ZNF407: variants seen among roughly 807,000 people sequenced by gnomAD.
ZNF407 encodes the protein zinc finger protein 407.
A neutral mutation model predicts 131.2 loss-of-function variants in ZNF407; 17 were observed. That is an observed-to-expected ratio of 0.13 (90% CI 0.09 to 0.19). The LOEUF is 0.19. ZNF407 is among the 10% of genes least tolerant of loss of function. The pLI, the probability that ZNF407 is intolerant of heterozygous loss-of-function variation, is 1.00. For synonymous variants in ZNF407, 1,156 were observed against 1,062.0 expected, an observed-to-expected ratio of 1.09 and a Z score of -1.72; for missense variants, 2,681 against 2,830.6, an observed-to-expected ratio of 0.95 and a Z score of 1.20.
chr18:75,063,195 C>A lies in ZNF407; in HGVS notation c.5474C>A (p.Ala1825Asp). The A allele has an allele frequency of 6.2e-7, 1 of 1,608,628 alleles. No individual in the cohort carries two copies. Among genetic ancestry groups the A allele is most frequent in the South Asian group, 1.1e-5 (1 of 90,450 alleles). Reference sequence around the variant, plus strand: ...GAGTGCCGTCTAAAGGGACAAGGAGCCACCTTCGTGGAGACAGACAGCCCC... The same window carrying A: ...GAGTGCCGTCTAAAGGGACAAGGAGACACCTTCGTGGAGACAGACAGCCCC... ...SYECRLKGQG[A>D]TFVETDSPFT... The change falls in exon 9 of 9, where the codon GCC becomes GAC. Residue 1825 changes from alanine (A) to aspartate (D), a missense_variant. Physicochemically the swap from Ala to Asp is moderately radical, Grantham distance 126. This residue lies in a region of ZNF407 where 39 missense variants were observed against 91.8 expected (regional missense o/e 0.42). Coordinates refer to ENST00000299687, the MANE Select transcript of ZNF407 (RefSeq NM_017757.3). The surrounding 1 kb of genome is among the most constrained non-coding windows in gnomAD (Gnocchi z 6.6).
chr18:74,781,429 G>T lies in ZNF407; in HGVS notation c.4804G>T (p.Val1602Phe). ...MREYKCHVCG[V>F]AFVMKKHLNT... ...TAATTACTTTTGTTTATTTTTTAGG[G>T]TTGCTTTTGTAATGAAGAAGCACTT... is the stretch of plus-strand genomic sequence containing the variant. The change falls in exon 4 of 9, where the codon GTT becomes TTT. Residue 1602 changes from valine (V) to phenylalanine (F), a missense_variant and splice_region_variant. Physicochemically the swap from Val to Phe is conservative, Grantham distance 50. Around this residue, in one of 6 missense-constraint regions of ZNF407, gnomAD observed 213 missense variants for 332.2 expected, o/e 0.64. Transcript: ENST00000299687. 1.3e-6 allele frequency: 2 copies of T among 1,535,246 alleles called. No individual in the cohort carries two copies. The highest frequency in any genetic ancestry group is 1.8e-6 in the Non-Finnish European group (2 of 1,139,724).
chr18:74,900,002 G>A (rs760855715), intron 7 of ZNF407, among the ~76,000 whole-genome samples: 10 of 152,320 alleles, frequency 6.6e-5, no homozygotes, highest in African/African-American at 2.4e-4. Flanking sequence ...AGACGGATGC[G>A]TGCTGTCTTT....
At chr18:74,746,847 A>G (rs1306995387) in intron 3 of ZNF407, among the ~76,000 whole-genome samples, 2 of 152,170 alleles carry the variant, frequency 1.3e-5, no homozygotes, top group African/African-American at 2.4e-5. Context: ...AAAGTATTAT[A>G]TAGTAAATTT....
In ZNF407 at chr18:75,063,298, C is replaced by G. The variant is rs1167271560; in HGVS notation, c.5577C>G (p.Pro1859=). The change falls in exon 9 of 9, where the codon CCC becomes CCG. Residue 1859 remains proline (P), a synonymous_variant. Coordinates refer to ENST00000299687, the MANE Select transcript of ZNF407 (RefSeq NM_017757.3). This position sits in a 1 kb window ranked among gnomAD's most constrained non-coding sequence, Gnocchi z 6.6. ...GAAGCAGCAGGAGGCCAGCGCCGCC[C>G]CCTGAGCAGGTGCAGCAGGTCATCA... ...PLRSSRRPAP[P]PEQVQQVIIF... is the part of the protein sequence containing the mutation. 1 of 1,613,556 alleles carries G rather than the reference C, an allele frequency of 6.2e-7. No individual in the cohort carries two copies. The highest frequency in any genetic ancestry group is 2.2e-5 in the East Asian group (1 of 44,886).
rs1171083143 is a variant in ZNF407, at chr18:74,631,564, T to G, written c.545T>G (p.Val182Gly). 3 of 1,613,626 alleles carry G rather than the reference T, an allele frequency of 1.9e-6. No homozygotes were observed. Among genetic ancestry groups the G allele is most frequent in the Non-Finnish European group, 2.5e-6 (3 of 1,179,910 alleles). The change falls in exon 2 of 9, where the codon GTA (valine) becomes GGA (glycine). Residue 182 changes from valine to glycine, a missense_variant. Val to Gly is a moderately radical substitution (Grantham distance 109, BLOSUM62 -3). Around this residue, in one of 6 missense-constraint regions of ZNF407, gnomAD observed 1,789 missense variants for 1,748.7 expected, o/e 1.02. Coordinates refer to ENST00000299687, the MANE Select transcript of ZNF407 (RefSeq NM_017757.3). ...EISVSCTIGN[V>G]DTVLKCSICG... is the part of the protein sequence containing the mutation. ...AGTGTTAGTTGTACCATTGGGAATG[T>G]AGATACAGTTCTCAAATGCAGCATC... is the stretch of plus-strand genomic sequence containing the variant.
chr18:74,781,363 CTTTGT>C, intron 3 of ZNF407, 60 bp from the exon 4 acceptor site: 1 of 1,145,898 alleles, frequency 8.7e-7, no homozygotes, highest in Non-Finnish European at 1.3e-6. Context: ...CTTAAGTTCT[CTTTGT>C]ACAGATTTCT....
intron 4 of ZNF407, among the ~76,000 whole-genome samples, chr18:74,839,269 G>A (rs1426316384): frequency 6.6e-6 from 1 of 152,178 alleles, no homozygotes; most frequent in Non-Finnish European, 1.5e-5. Flanking sequence ...GGAACATAGA[G>A]TATCTGTCAG....
intron 1 of ZNF407, among the ~76,000 whole-genome samples, chr18:74,623,736 A>G (rs926228292): frequency 1.3e-5 from 2 of 152,150 alleles, no homozygotes; most frequent in African/African-American, 4.8e-5. Context: ...TCATAGGCAG[A>G]GAACGATTTC....
At chr18:74,613,152 A>G (rs749918659) in intron 1 of ZNF407, among the ~76,000 whole-genome samples, 5 of 152,222 alleles carry the variant, frequency 3.3e-5, no homozygotes, top group Admixed American at 6.5e-5. Flanking sequence ...TCCTCCCACA[A>G]GATTCTGGAA....
intron 3 of ZNF407, among the ~76,000 whole-genome samples, chr18:74,697,958 G>A (rs1057466063): frequency 2.0e-5 from 3 of 152,092 alleles, no homozygotes; most frequent in South Asian, 2.1e-4. Flanking sequence ...TATAATTCTC[G>A]AGAATACAAA....
At chr18:74,606,582 G>T (rs1982818577) in intron 1 of ZNF407, among the ~76,000 whole-genome samples, 1 of 152,012 alleles carries the variant, frequency 6.6e-6, no homozygotes, top group Non-Finnish European at 1.5e-5. Flanking sequence ...TTTCATACTT[G>T]TTTTATTTCT....
chr18:74,742,922 G>A (rs999059014), intron 3 of ZNF407, among the ~76,000 whole-genome samples: 2 of 152,118 alleles, frequency 1.3e-5, no homozygotes, highest in Non-Finnish European at 2.9e-5. Context: ...AGGCCAATTA[G>A]GATACTTTTT....
intron 8 of ZNF407, among the ~76,000 whole-genome samples, chr18:75,039,859 C>G (rs1457527510): frequency 1.3e-5 from 2 of 151,024 alleles, no homozygotes; most frequent in African/African-American, 4.9e-5. Context: ...ATACATTTCC[C>G]TAGAGAATTT....
chr18:74,704,715 A>G (rs909519930), intron 3 of ZNF407, among the ~76,000 whole-genome samples: 14 of 152,322 alleles, frequency 9.2e-5, no homozygotes, highest in Middle Eastern at 3.4e-3. Context: ...TGCTCTTTGC[A>G]TTAGTAGCTT....
intron 4 of ZNF407, among the ~76,000 whole-genome samples, chr18:74,867,738 T>C (rs916922214): frequency 1.3e-5 from 2 of 152,224 alleles, no homozygotes; most frequent in Non-Finnish European, 2.9e-5. Context: ...TAAAATTTTA[T>C]ACAGTAATAT....
chr18:74,847,266 A>G (rs1176730088), intron 4 of ZNF407, among the ~76,000 whole-genome samples: 1 of 152,176 alleles, frequency 6.6e-6, no homozygotes, highest in East Asian at 1.9e-4. Flanking sequence ...TTTATATGGG[A>G]CAGTGTTTAA....
At chr18:74,962,246 A>G (rs1173396675) in intron 8 of ZNF407, among the ~76,000 whole-genome samples, 1 of 152,196 alleles carries the variant, frequency 6.6e-6, no homozygotes, top group Non-Finnish European at 1.5e-5. Flanking sequence ...AATGTATGAA[A>G]AATTCCCTTT....
At chr18:74,799,224 G>A (rs955903964) in intron 4 of ZNF407, among the ~76,000 whole-genome samples, 2 of 152,086 alleles carry the variant, frequency 1.3e-5, no homozygotes, top group African/African-American at 4.8e-5. Context: ...TTAGCACGGA[G>A]GTTTGATGCT....
At chr18:75,008,248 C>T (rs1411429370) in intron 8 of ZNF407, among the ~76,000 whole-genome samples, 4 of 152,150 alleles carry the variant, frequency 2.6e-5, no homozygotes, top group Non-Finnish European at 5.9e-5. Flanking sequence ...AGGCACAGCA[C>T]CAGGAAAAGT....
Sources: allele counts gnomAD v4.1 joint callset (sites outside exome capture counted in the v4.1 genomes callset), GRCh38; gene constraint gnomAD v4.1.1; regional missense constraint gnomAD v4.1.1; non-coding constraint Gnocchi (gnomAD v3.1); transcripts MANE v1.5; gene names NCBI Gene and HGNC (gene_info 2026-07-23, HGNC 2026-07-21).